GRIK1: variants seen among roughly 807,000 people sequenced by gnomAD.
GRIK1 encodes the protein glutamate receptor ionotropic, kainate 1.
GRIK1 carries 69 observed loss-of-function variants against 105.7 expected under a neutral mutation model. That is an observed-to-expected ratio of 0.65 (90% CI 0.54 to 0.80). The LOEUF is 0.80. Among genes scored for constraint, GRIK1 ranks in the 30% least tolerant of loss-of-function variants. The pLI is 0.00. For missense variants in GRIK1, 1,109 were observed against 1,167.3 expected, an observed-to-expected ratio of 0.95 and a Z score of 0.73; for synonymous variants, 438 against 431.3, an observed-to-expected ratio of 1.02 and a Z score of -0.19.
At chr21:29,775,720 C>A (rs899013986) in intron 1 of GRIK1, among the ~76,000 whole-genome samples, 7 of 152,020 alleles carry the variant, frequency 4.6e-5, no homozygotes, top group African/African-American at 1.7e-4. Context: ...ATTTTTTTAC[C>A]TTTCTCTTTC....
At chr21:29,848,024 T>C (rs1331982732) in intron 1 of GRIK1, among the ~76,000 whole-genome samples, 2 of 151,848 alleles carry the variant, frequency 1.3e-5, no homozygotes, top group Admixed American at 6.6e-5. Flanking sequence ...TTATACTCTC[T>C]CAGTTACCCA....
Position 29,914,710 on chromosome 21 carries a change from C to A in GRIK1, c.118+24673G>T, listed in dbSNP as rs461314. ...AATGTGTGTCACTTTGGGGCAGAAC[C>A]TTTTGAGATCCTTTCCCTGCCATGT... is the stretch of plus-strand genomic sequence containing the variant. On this transcript the variant is annotated intron_variant, in intron 1 of 17. Transcript: ENST00000327783. Among the ~76,000 whole-genome samples the A allele has an allele frequency of 2.6e-5, 4 of 151,926 alleles. No individual in the cohort carries two copies. The East Asian group carries it at 7.8e-4, about 30-fold the overall frequency.
At chr21:29,744,482 A>G (rs1374805463) in intron 1 of GRIK1, among the ~76,000 whole-genome samples, 2 of 152,054 alleles carry the variant, frequency 1.3e-5, no homozygotes, top group Non-Finnish European at 2.9e-5. Context: ...CACTTTTCAA[A>G]GCAGACATTC....
intron 1 of GRIK1, among the ~76,000 whole-genome samples, chr21:29,842,265 T>C (rs2068004108): frequency 1.3e-5 from 2 of 152,178 alleles, no homozygotes; most frequent in South Asian, 4.1e-4. Flanking sequence ...GTAATACAGT[T>C]CATCTCCCCG....
intron 1 of GRIK1, among the ~76,000 whole-genome samples, chr21:29,846,505 G>T (rs561531094): frequency 3.8e-4 from 56 of 146,042 alleles, no homozygotes; most frequent in African/African-American, 1.3e-3. Flanking sequence ...AAGAAAGAAA[G>T]AAAGAAAGAA....
At position 29,868,792 on chromosome 21, in the gene GRIK1, G is replaced by T. The variant is rs569775033; in HGVS notation, c.118+70591C>A. On this transcript the variant is annotated intron_variant, in intron 1 of 17. Transcript: ENST00000327783. ...CATTGTCAGGAAACAGCTTTGAAAA[G>T]GTTTCAAGAAGGAAGATATGGGAAA... 2.8e-3 allele frequency among the ~76,000 whole-genome samples: 421 copies of T among 152,098 alleles called. 2 individuals carry two copies. The highest frequency in any genetic ancestry group is 6.8e-3 in the Middle Eastern group (2 of 294).
At chr21:29,777,922 G>C (rs1370566336) in intron 1 of GRIK1, among the ~76,000 whole-genome samples, 1 of 152,228 alleles carries the variant, frequency 6.6e-6, no homozygotes, top group Non-Finnish European at 1.5e-5. Flanking sequence ...TAGAGAGCTA[G>C]AGGATGGAGC....
chr21:29,674,648 TC>T (rs1443563785), intron 3 of GRIK1, among the ~76,000 whole-genome samples: 1 of 151,956 alleles, frequency 6.6e-6, no homozygotes, highest in Non-Finnish European at 1.5e-5. Context: ...GTGTGGCACT[TC>T]CCCCCTTGCT....
chr21:29,612,075 A>G (rs1339715412), intron 7 of GRIK1, among the ~76,000 whole-genome samples: 1 of 152,208 alleles, frequency 6.6e-6, no homozygotes, highest in African/African-American at 2.4e-5. Context: ...GGCTGTCTGC[A>G]GGAGTAGAAA....
chr21:29,551,255 A>G (rs1480280554), intron 16 of GRIK1, among the ~76,000 whole-genome samples: 4 of 152,258 alleles, frequency 2.6e-5, no homozygotes, highest in Admixed American at 2.6e-4. Context: ...TTATTTAACT[A>G]TGAAAATTCT....
At chr21:29,804,309 T>C (rs1186537537) in intron 1 of GRIK1, among the ~76,000 whole-genome samples, 5 of 152,144 alleles carry the variant, frequency 3.3e-5, no homozygotes, top group African/African-American at 1.2e-4. Flanking sequence ...TTTGCCACTC[T>C]CCTTCCCCAT....
intron 1 of GRIK1, among the ~76,000 whole-genome samples, chr21:29,895,168 T>C (rs1189129397): frequency 6.6e-6 from 1 of 152,118 alleles, no homozygotes; most frequent in Non-Finnish European, 1.5e-5. Context: ...AGAACTAATC[T>C]AGAATGACCT....
intron 1 of GRIK1, among the ~76,000 whole-genome samples, chr21:29,895,891 C>G (rs1275065274): frequency 6.6e-6 from 1 of 152,220 alleles, no homozygotes; most frequent in South Asian, 2.1e-4. Flanking sequence ...AAGGCTTCCA[C>G]TGACTTCTCA....
intron 1 of GRIK1, among the ~76,000 whole-genome samples, chr21:29,799,948 T>C (rs1264720810): frequency 6.6e-6 from 1 of 152,234 alleles, no homozygotes; most frequent in African/African-American, 2.4e-5. Context: ...TGTGAATGAA[T>C]TTTGTTAAGT....
At chr21:29,719,570 GAAGA>G (rs2064268822) in intron 1 of GRIK1, among the ~76,000 whole-genome samples, 1 of 151,918 alleles carries the variant, frequency 6.6e-6, no homozygotes, top group African/African-American at 2.4e-5. Flanking sequence ...TTCAAAGAAA[GAAGA>G]AAGAAACATG....
chr21:29,631,838 C>T (rs1333880476), intron 7 of GRIK1, among the ~76,000 whole-genome samples: 1 of 152,150 alleles, frequency 6.6e-6, no homozygotes, highest in Non-Finnish European at 1.5e-5. Context: ...ACTAAAAACT[C>T]TAATATATAT....
intron 12 of GRIK1, 43 bp downstream of exon 12, chr21:29,587,323 A>G (rs1385854615): frequency 4.0e-6 from 5 of 1,261,754 alleles, no homozygotes; most frequent in East Asian, 4.7e-5. Flanking sequence ...GAAATCTGAG[A>G]CTGACCTACA....
intron 1 of GRIK1, among the ~76,000 whole-genome samples, chr21:29,872,429 G>A (rs911403573): frequency 4.6e-5 from 7 of 151,990 alleles, no homozygotes; most frequent in Non-Finnish European, 7.4e-5. Flanking sequence ...TCCTGACCTT[G>A]TGATCCGCCC....
At chr21:29,537,577 G>A (rs2089900608) in intron 17 of GRIK1, 192 bp from the exon 18 acceptor site, 1 of 664,200 alleles carries the variant, frequency 1.5e-6, no homozygotes, top group Non-Finnish European at 2.7e-6. Context: ...AACTGAGATG[G>A]CAAGTTAGCT....
Sources: allele counts gnomAD v4.1 joint callset (sites outside exome capture counted in the v4.1 genomes callset), GRCh38; gene constraint gnomAD v4.1.1; transcripts MANE v1.5; gene names NCBI Gene and HGNC (gene_info 2026-07-23, HGNC 2026-07-21).